The following XKR4 variants were observed in gnomAD, a reference collection of about 807,000 sequenced individuals.
XKR4 encodes the protein XK-related protein 4.
In XKR4, 12 loss-of-function variants were observed where a neutral mutation model predicts 53.9. The ratio of observed to expected loss-of-function variants is 0.22; its 90% CI spans 0.14 to 0.36. The LOEUF is 0.36. XKR4 is among the 10% of genes least tolerant of loss of function. The probability of loss-of-function intolerance (pLI) is 1.00; values close to 1 mark genes in which losing one functional copy is unlikely to be tolerated. For synonymous variants in XKR4, 354 were observed against 362.4 expected (o/e 0.98, Z 0.26); for missense variants, 799 against 859.5 (o/e 0.93, Z 0.88).
At chr8:55,391,848 C>A (rs1171300277) in intron 2 of XKR4, among the ~76,000 whole-genome samples, 1 of 152,064 alleles carries the variant, frequency 6.6e-6, no homozygotes. Context: ...TTTGGCTATA[C>A]TAACTTAGTG....
intron 2 of XKR4, among the ~76,000 whole-genome samples, chr8:55,399,906 G>A (rs956290997): frequency 2.0e-5 from 3 of 152,204 alleles, no homozygotes; most frequent in Non-Finnish European, 2.9e-5. Context: ...CAGCCTGCTC[G>A]CTCACACCTT....
intron 1 of XKR4, among the ~76,000 whole-genome samples, chr8:55,232,446 T>A (rs1011051521): frequency 6.6e-6 from 1 of 152,230 alleles, no homozygotes; most frequent in African/African-American, 2.4e-5. Context: ...AATCATACTC[T>A]ATAATCATTT....
At position 55,243,961 on chromosome 8, in the gene XKR4, G is replaced by A. The variant is rs1046291661; in HGVS notation, c.807-113717G>A. 2.6e-5 allele frequency among the ~76,000 whole-genome samples: 4 copies of A among 152,212 alleles called. No homozygotes were observed. The East Asian group carries it at 5.8e-4, about 22-fold the overall frequency. On this transcript the variant is annotated intron_variant, in intron 1 of 2. Coordinates refer to ENST00000327381, the MANE Select transcript of XKR4 (RefSeq NM_052898.2). ...ACACAACAGTAATTATTCTATGTGC[G>A]TGTGCATGCTCATTTAGGAAAAAGT...
intron 2 of XKR4, chr8:55,449,898 G>A (rs1805406218): frequency 2.2e-6 from 2 of 894,490 alleles, no homozygotes; most frequent in Admixed American, 1.7e-5. Context: ...AGGCAGCCTG[G>A]CGGGAGCCAG....
At chr8:55,480,798 A>G (rs1314783191) in intron 2 of XKR4, among the ~76,000 whole-genome samples, 1 of 144,768 alleles carries the variant, frequency 6.9e-6, no homozygotes, top group African/African-American at 2.8e-5. Context: ...CCCATTCACA[A>G]TTGCTTCAAA....
chr8:55,155,355 C>T (rs530117723), intron 1 of XKR4, among the ~76,000 whole-genome samples: 1 of 152,072 alleles, frequency 6.6e-6, no homozygotes, highest in Admixed American at 6.5e-5. Flanking sequence ...AGAACATCCT[C>T]GATGCGAAGC....
At chr8:55,360,325 A>T (rs1420516745) in intron 2 of XKR4, among the ~76,000 whole-genome samples, 1 of 152,224 alleles carries the variant, frequency 6.6e-6, no homozygotes, top group Non-Finnish European at 1.5e-5. Flanking sequence ...CTGTCTTCAG[A>T]GGGACAGCTT....
chr8:55,212,317 A>AT (rs1363215430), intron 1 of XKR4, among the ~76,000 whole-genome samples: 1 of 152,196 alleles, frequency 6.6e-6, no homozygotes, highest in Non-Finnish European at 1.5e-5. Flanking sequence ...TGGAATGTAG[A>AT]TTTTCCCCAC....
At chr8:55,364,235 G>A (rs959691028) in intron 2 of XKR4, among the ~76,000 whole-genome samples, 2 of 152,194 alleles carry the variant, frequency 1.3e-5, no homozygotes, top group African/African-American at 4.8e-5. Flanking sequence ...GGTACTGGAA[G>A]GAGCAGGAAG....
chr8:55,253,545 A>G lies in XKR4; in HGVS notation c.807-104133A>G, dbSNP rs539300926. The stretch of plus-strand genomic sequence containing the variant: ...AGTTCTGTAATATTTCTTTTCCAGC[A>G]CTGCATAGATTGTGTCTTGTTCCAA... On this transcript the variant is annotated intron_variant, in intron 1 of 2. Coordinates refer to ENST00000327381, the MANE Select transcript of XKR4 (RefSeq NM_052898.2). 7.8e-4 allele frequency among the ~76,000 whole-genome samples: 119 copies of G among 152,282 alleles called. 1 individual carries two copies. The highest frequency in any genetic ancestry group is 1.5e-3 in the Non-Finnish European group (103 of 68,024).
chr8:55,186,650 C>G (rs553025154), intron 1 of XKR4, among the ~76,000 whole-genome samples: 1 of 151,654 alleles, frequency 6.6e-6, no homozygotes, highest in South Asian at 2.1e-4. Context: ...AGTGAGACTC[C>G]GTCTCAAAAA....
intron 1 of XKR4, among the ~76,000 whole-genome samples, chr8:55,311,159 CTCG>C (rs1819382073): frequency 6.6e-6 from 1 of 152,164 alleles, no homozygotes; most frequent in African/African-American, 2.4e-5. Context: ...GCTCATGTGC[CTCG>C]AATTGGTAAA....
At position 55,537,298 on chromosome 8, in the gene XKR4, C is replaced by T. The variant is rs1807044135; in HGVS notation, c.*13071C>T. 1 of 152,196 alleles carries T rather than the reference C, an allele frequency of 6.6e-6. No individual in the cohort carries two copies. Among genetic ancestry groups the T allele is most frequent in the South Asian group, 2.1e-4 (1 of 4,828 alleles). 9.4% of individuals were successfully genotyped at this position (152,196 alleles called of 1,614,324 possible). On this transcript the variant is annotated 3_prime_UTR_variant, in exon 3 of 3. Coordinates refer to ENST00000327381, the MANE Select transcript of XKR4 (RefSeq NM_052898.2). ...CACAAGGAAAGTCTGAGATGTTCATCCTGACATTTGCGTTCCTGATTATTT... is the reference window on the plus strand; with the variant it reads ...CACAAGGAAAGTCTGAGATGTTCATTCTGACATTTGCGTTCCTGATTATTT...
intron 2 of XKR4, among the ~76,000 whole-genome samples, chr8:55,458,010 T>C (rs1433499053): frequency 1.3e-5 from 2 of 152,166 alleles, no homozygotes; most frequent in Non-Finnish European, 2.9e-5. Flanking sequence ...AGATATACCA[T>C]GCTCACTGAT....
chr8:55,499,944 C>T (rs1229053939), intron 2 of XKR4, among the ~76,000 whole-genome samples: 1 of 152,014 alleles, frequency 6.6e-6, no homozygotes, highest in Non-Finnish European at 1.5e-5. Flanking sequence ...GTATGCATAC[C>T]TCTTGAAAGT....
rs532030049 is a variant in XKR4 at position 55,350,153 on chromosome 8, G to A, written c.807-7525G>A. Among the ~76,000 whole-genome samples, 53 of 152,190 alleles carry A rather than the reference G, an allele frequency of 3.5e-4. 1 individual carries two copies. In the South Asian group the frequency reaches 6.2e-3, roughly 18 times the overall value. ...TTAATACCTTATCATTGGGCATTTG[G>A]GTTTTAACCATTTTTTGTACTATAA... is the stretch of plus-strand genomic sequence containing the variant. On this transcript the variant is annotated intron_variant, in intron 1 of 2. Coordinates refer to ENST00000327381, the MANE Select transcript of XKR4 (RefSeq NM_052898.2).
intron 2 of XKR4, among the ~76,000 whole-genome samples, chr8:55,366,199 C>T (rs1803983224): frequency 6.6e-6 from 1 of 152,162 alleles, no homozygotes; most frequent in African/African-American, 2.4e-5. Context: ...ATTGGCAGAA[C>T]CCACCGGGCA....
intron 2 of XKR4, among the ~76,000 whole-genome samples, chr8:55,479,233 G>A (rs576311934): frequency 2.0e-5 from 3 of 152,108 alleles, no homozygotes; most frequent in African/African-American, 7.2e-5. Flanking sequence ...CTAGAACTCA[G>A]GATTAAGAAA....
intron 2 of XKR4, among the ~76,000 whole-genome samples, chr8:55,404,392 C>T (rs1431233659): frequency 1.3e-5 from 2 of 152,080 alleles, no homozygotes; most frequent in African/African-American, 4.8e-5. Context: ...GGAAATGAAC[C>T]CAAAGGCTTA....
Sources: gnomAD v4.1 joint callset for allele counts (sites outside exome capture counted in the v4.1 genomes callset) on GRCh38, gnomAD v4.1.1 for gene constraint, MANE v1.5 for transcripts, NCBI Gene and HGNC (gene_info 2026-07-23, HGNC 2026-07-21) for gene names.